ITFG1: variants seen among roughly 807,000 people sequenced by gnomAD.
The protein encoded by ITFG1 is integrin alpha FG-GAP repeat containing 1, also known as T-cell immunomodulatory protein.
ITFG1 carries 34 observed loss-of-function variants against 81.8 expected under a neutral mutation model. The observed-to-expected ratio is 0.42, with a 90% confidence interval of 0.32 to 0.55. The LOEUF (loss-of-function observed/expected upper bound fraction) is 0.55. Ranked by LOEUF, ITFG1 falls within the 20% of genes least tolerant of loss-of-function variation. The pLI, the probability that ITFG1 is intolerant of heterozygous loss-of-function variation, is 0.17. For missense variants in ITFG1, 672 were observed against 755.4 expected, an observed-to-expected ratio of 0.89 and a Z score of 1.29; for synonymous variants, 285 against 270.6, an observed-to-expected ratio of 1.05 and a Z score of -0.52.
chr16:47,458,149 A>G (rs1969476752), intron 2 of ITFG1, among the ~76,000 whole-genome samples: 1 of 152,216 alleles, frequency 6.6e-6, no homozygotes, highest in East Asian at 1.9e-4. Context: ...TCCTTTGCAC[A>G]AGGACCTGAT....
At chr16:47,361,038 C>G (rs1256513994) in intron 8 of ITFG1, among the ~76,000 whole-genome samples, 1 of 152,072 alleles carries the variant, frequency 6.6e-6, no homozygotes, top group Non-Finnish European at 1.5e-5. Flanking sequence ...TCAAGATTTT[C>G]TAGTATGTTT....
At chr16:47,356,750 G>T (rs1555512232) in intron 8 of ITFG1, among the ~76,000 whole-genome samples, 2 of 152,186 alleles carry the variant, frequency 1.3e-5, no homozygotes, top group Non-Finnish European at 2.9e-5. Flanking sequence ...AATGAATGGG[G>T]CATTTACACA....
chr16:47,436,172 G>A (rs1969164071), intron 5 of ITFG1, among the ~76,000 whole-genome samples: 1 of 151,888 alleles, frequency 6.6e-6, no homozygotes. Flanking sequence ...ATGGTTCTGG[G>A]ATAATTCTCC....
intron 8 of ITFG1, among the ~76,000 whole-genome samples, chr16:47,348,436 C>T (rs551949515): frequency 7.2e-5 from 11 of 152,152 alleles, no homozygotes; most frequent in African/African-American, 2.7e-4. Flanking sequence ...TAGCTGATTC[C>T]ATTAACTGGA....
intron 13 of ITFG1, among the ~76,000 whole-genome samples, chr16:47,224,608 G>T (rs1965735919): frequency 6.6e-6 from 1 of 152,092 alleles, no homozygotes; most frequent in African/African-American, 2.4e-5. Flanking sequence ...GGAGAAATCT[G>T]GGAAGATTTC....
intron 8 of ITFG1, among the ~76,000 whole-genome samples, chr16:47,328,399 C>G (rs1205907779): frequency 2.6e-5 from 4 of 151,808 alleles, no homozygotes; most frequent in Admixed American, 6.6e-5. Flanking sequence ...TGCAGCACAC[C>G]AACATGGCAC....
At chr16:47,216,006 T>C (rs1358581821) in intron 14 of ITFG1, among the ~76,000 whole-genome samples, 1 of 152,214 alleles carries the variant, frequency 6.6e-6, no homozygotes, top group African/African-American at 2.4e-5. Context: ...ATATTAGATA[T>C]GATAAGAATA....
At chr16:47,173,370 T>C (rs1481159141) in intron 14 of ITFG1, among the ~76,000 whole-genome samples, 1 of 152,212 alleles carries the variant, frequency 6.6e-6, no homozygotes, top group Admixed American at 6.5e-5. Flanking sequence ...CACTTCTGTA[T>C]TCTAAGACCC....
intron 13 of ITFG1, among the ~76,000 whole-genome samples, chr16:47,223,166 T>C (rs1337896771): frequency 1.3e-5 from 2 of 151,604 alleles, no homozygotes; most frequent in Non-Finnish European, 2.9e-5. Flanking sequence ...ATTCAGGACA[T>C]AGGCATGGGC....
At chr16:47,375,341 T>C (rs1191324180) in intron 7 of ITFG1, among the ~76,000 whole-genome samples, 3 of 151,958 alleles carry the variant, frequency 2.0e-5, no homozygotes, top group Admixed American at 1.3e-4. Flanking sequence ...TAATCCATCA[T>C]ATAACTCACA....
At chr16:47,355,843 G>C (rs980158527) in intron 8 of ITFG1, among the ~76,000 whole-genome samples, 1 of 148,178 alleles carries the variant, frequency 6.7e-6, no homozygotes, top group African/African-American at 2.6e-5. Flanking sequence ...TTTTTGAGAT[G>C]GATGACTTGG....
chr16:47,217,725 T>G (rs531503579), intron 14 of ITFG1, among the ~76,000 whole-genome samples: 3 of 152,144 alleles, frequency 2.0e-5, no homozygotes, highest in South Asian at 2.1e-4. Flanking sequence ...GAGACGGAGA[T>G]TATCCTGGCT....
At chr16:47,373,343 T>A (rs1314749751) in intron 7 of ITFG1, among the ~76,000 whole-genome samples, 1 of 152,060 alleles carries the variant, frequency 6.6e-6, no homozygotes, top group Non-Finnish European at 1.5e-5. Context: ...AGTGCAGTGG[T>A]GCAATCTCGG....
chr16:47,162,514 T>C (rs377751421), intron 15 of ITFG1, 26 bp downstream of exon 15: 127 of 1,553,734 alleles, frequency 8.2e-5, no homozygotes, highest in Non-Finnish European at 1.1e-4. Flanking sequence ...ATAGATTAAT[T>C]GTAAACAAAA....
At chr16:47,364,246 A>G (rs1428331792) in intron 8 of ITFG1, among the ~76,000 whole-genome samples, 1 of 152,238 alleles carries the variant, frequency 6.6e-6, no homozygotes, top group Non-Finnish European at 1.5e-5. Flanking sequence ...TATTAAAAAC[A>G]TGGAGCAATA....
chr16:47,409,400 A>ATCTTTTTTT (rs1968776759), intron 6 of ITFG1, among the ~76,000 whole-genome samples: 1 of 12,700 alleles, frequency 7.9e-5, no homozygotes, highest in African/African-American at 3.4e-4. Flanking sequence ...ATATATATAT[A>ATCTTTTTTT]TATATTTTTT....
At chr16:47,388,803 A>G (rs1457709930) in intron 6 of ITFG1, among the ~76,000 whole-genome samples, 2 of 152,312 alleles carry the variant, frequency 1.3e-5, no homozygotes, top group South Asian at 2.1e-4. Flanking sequence ...AAGTTAAAAG[A>G]GAATATTAAC....
chr16:47,308,874 C>T (rs1967211750), intron 10 of ITFG1, among the ~76,000 whole-genome samples: 1 of 152,056 alleles, frequency 6.6e-6, no homozygotes. Flanking sequence ...TCGTGACTTG[C>T]AATGTATTAA....
chr16:47,451,363 A>G, intron 5 of ITFG1, 33 bp downstream of exon 5: 1 of 1,153,600 alleles, frequency 8.7e-7, no homozygotes, highest in Non-Finnish European at 1.3e-6. Context: ...AATATATACG[A>G]TTAATTACAT....
Sources: gnomAD v4.1 joint callset for allele counts (sites outside exome capture counted in the v4.1 genomes callset) on GRCh38, gnomAD v4.1.1 for gene constraint, MANE v1.5 for transcripts, NCBI Gene and HGNC (gene_info 2026-07-23, HGNC 2026-07-21) for gene names.